The following SNAP25 variants were observed in gnomAD, a reference collection of about 807,000 sequenced individuals.
SNAP25 encodes synaptosome associated protein 25, also known as synaptosomal-associated protein 25.
SNAP25 carries 3 observed loss-of-function variants against 28.7 expected under a neutral mutation model. The ratio of observed to expected loss-of-function variants is 0.10; its 90% CI spans 0.05 to 0.27. The LOEUF is 0.27. Among genes scored for constraint, SNAP25 ranks in the 10% least tolerant of loss-of-function variants. The pLI, the probability that SNAP25 is intolerant of heterozygous loss-of-function variation, is 1.00. For synonymous variants in SNAP25, 61 were observed against 88.1 expected, an observed-to-expected ratio of 0.69 and a Z score of 1.72; for missense variants, 117 against 278.7, an observed-to-expected ratio of 0.42 and a Z score of 4.13.
chr20:10,289,221 T>C (rs866564443), intron 4 of SNAP25, among the ~76,000 whole-genome samples: 4 of 152,180 alleles, frequency 2.6e-5, no homozygotes, highest in Non-Finnish European at 5.9e-5. Flanking sequence ...CAACCAGACC[T>C]GGAAACGTAC....
intron 4 of SNAP25, among the ~76,000 whole-genome samples, chr20:10,289,903 C>A (rs2063961941): frequency 6.6e-6 from 1 of 151,778 alleles, no homozygotes; most frequent in Non-Finnish European, 1.5e-5. Flanking sequence ...GGATCTATCA[C>A]AAATAACCAG....
intron 7 of SNAP25, among the ~76,000 whole-genome samples, chr20:10,303,362 G>C (rs1366892067): frequency 6.6e-6 from 1 of 152,130 alleles, no homozygotes; most frequent in Non-Finnish European, 1.5e-5. Context: ...TAAAAGACAA[G>C]TGTCAATTAT....
At chr20:10,290,259 T>A (rs2063968149) in intron 4 of SNAP25, among the ~76,000 whole-genome samples, 1 of 152,216 alleles carries the variant, frequency 6.6e-6, no homozygotes, top group Non-Finnish European at 1.5e-5. Context: ...ATTGCTAGAA[T>A]TTCTGCAACA....
chr20:10,284,878 TA>T, intron 4 of SNAP25, 106 bp downstream of exon 4: 6 of 837,230 alleles, frequency 7.2e-6, no homozygotes, highest in Non-Finnish European at 1.2e-5. Context: ...GTTACACATG[TA>T]CACGAATGTG....
intron 1 of SNAP25, 144 bp downstream of exon 1, chr20:10,219,121 G>A (rs1475438988): frequency 6.6e-6 from 1 of 152,280 alleles, no homozygotes; most frequent in African/African-American, 2.4e-5. Flanking sequence ...GTGCACGTCT[G>A]GTGGGGGCTT....
At chr20:10,262,147 A>C (rs2063424347) in intron 1 of SNAP25, among the ~76,000 whole-genome samples, 2 of 152,254 alleles carry the variant, frequency 1.3e-5, no homozygotes, top group South Asian at 4.1e-4. Context: ...ATCATGAAAT[A>C]TAAAAATAGC....
chr20:10,277,252 G>A (rs2063707404), intron 2 of SNAP25, among the ~76,000 whole-genome samples: 2 of 152,086 alleles, frequency 1.3e-5, no homozygotes, highest in South Asian at 2.1e-4. Context: ...GTTTCTAGGA[G>A]CTTTGTAAGA....
At chr20:10,256,575 T>A (rs363020) in intron 1 of SNAP25, among the ~76,000 whole-genome samples, 136,195 of 152,274 alleles carry the variant, frequency 0.89, 61,058 homozygotes, top group Middle Eastern at 0.96. Context: ...GAGCCTTTGT[T>A]GAAAGCACTT....
chr20:10,296,580 G>T, intron 5 of SNAP25: 1 of 251,548 alleles, frequency 4.0e-6, no homozygotes, highest in Non-Finnish European at 7.8e-6. Flanking sequence ...TCTGTTTTAT[G>T]TCTCCAAATA....
chr20:10,232,028 A>G (rs1433245215), intron 1 of SNAP25, among the ~76,000 whole-genome samples: 2 of 152,230 alleles, frequency 1.3e-5, no homozygotes, highest in African/African-American at 4.8e-5. Context: ...GTCAAGCCAT[A>G]GGAAAAGCAG....
intron 5 of SNAP25, among the ~76,000 whole-genome samples, chr20:10,295,655 G>T (rs188145562): frequency 3.5e-4 from 53 of 150,988 alleles, no homozygotes; most frequent in African/African-American, 1.3e-3. Flanking sequence ...TCTGGCGAAA[G>T]AAGAAGATAA....
At chr20:10,306,042 C>T in intron 7 of SNAP25, 87 bp from the exon 8 acceptor site, 1 of 1,275,536 alleles carries the variant, frequency 7.8e-7, no homozygotes, top group East Asian at 2.4e-5. Context: ...TGGTTTCACC[C>T]AAGAGGAAGC....
chr20:10,230,227 A>G (rs2062805037), intron 1 of SNAP25, among the ~76,000 whole-genome samples: 1 of 151,984 alleles, frequency 6.6e-6, no homozygotes, highest in Non-Finnish European at 1.5e-5. Context: ...TTCCCATCTC[A>G]CAGAATACTT....
intron 1 of SNAP25, among the ~76,000 whole-genome samples, chr20:10,250,730 A>C (rs1308748497): frequency 1.3e-5 from 2 of 152,248 alleles, no homozygotes; most frequent in Non-Finnish European, 2.9e-5. Flanking sequence ...ACACACAGTC[A>C]TGTGCTATGC....
intron 1 of SNAP25, among the ~76,000 whole-genome samples, chr20:10,237,071 G>A (rs1293423942): frequency 6.6e-6 from 1 of 152,176 alleles, no homozygotes; most frequent in Non-Finnish European, 1.5e-5. Flanking sequence ...TGAAGGACGA[G>A]GGTGCACATA....
chr20:10,277,162 G>T (rs901169172), intron 2 of SNAP25, among the ~76,000 whole-genome samples: 1 of 152,118 alleles, frequency 6.6e-6, no homozygotes, highest in Non-Finnish European at 1.5e-5. Context: ...CTCTCCTATA[G>T]GCTGGTCATT....
chr20:10,241,831 C>A (rs2063039455), intron 1 of SNAP25, among the ~76,000 whole-genome samples: 1 of 152,134 alleles, frequency 6.6e-6, no homozygotes, highest in African/African-American at 2.4e-5. Context: ...TGCCAGCCTG[C>A]AGAGGAGACT....
intron 1 of SNAP25, among the ~76,000 whole-genome samples, chr20:10,220,150 T>C (rs1490061128): frequency 6.6e-6 from 1 of 152,208 alleles, no homozygotes; most frequent in African/African-American, 2.4e-5. Flanking sequence ...CATCTCTCTC[T>C]ATGTTTCCAT....
chr20:10,259,281 G>T (rs948622783), intron 1 of SNAP25, among the ~76,000 whole-genome samples: 10 of 152,182 alleles, frequency 6.6e-5, no homozygotes, highest in African/African-American at 2.4e-4. Flanking sequence ...CACCTCCATG[G>T]AAGCAGAATT....
Sources: gnomAD v4.1 joint callset for allele counts (sites outside exome capture counted in the v4.1 genomes callset) on GRCh38, gnomAD v4.1.1 for gene constraint, MANE v1.5 for transcripts, NCBI Gene and HGNC (gene_info 2026-07-23, HGNC 2026-07-21) for gene names.